Variants in SMYD4 observed in about 807,000 individuals in gnomAD.
The protein encoded by SMYD4 is SET and MYND domain containing 4.
In SMYD4, 68 loss-of-function variants were observed where a neutral mutation model predicts 72.8. The ratio of observed to expected loss-of-function variants is 0.93; its 90% confidence interval spans 0.77 to 1.14. The LOEUF is 1.14. SMYD4 is among the 50% of genes most tolerant of loss of function. The pLI is 0.00. For synonymous variants in SMYD4, 407 were observed against 388.6 expected (o/e 1.05, Z -0.56); for missense variants, 984 against 1,003.7 (o/e 0.98, Z 0.27).
chr17:1,809,197 A>G (rs1910193043), intron 3 of SMYD4, among the ~76,000 whole-genome samples: 1 of 151,782 alleles, frequency 6.6e-6, no homozygotes, highest in South Asian at 2.1e-4. Flanking sequence ...ATTTAAACTT[A>G]TTCTTTTAAT....
At position 1,783,474 on chromosome 17, in the gene SMYD4, G is replaced by A. The variant is rs139673522; in HGVS notation, c.2023C>T (p.Arg675Ter). 45 of 1,605,712 alleles carry A rather than the reference G, an allele frequency of 2.8e-5. No homozygotes were observed. Among genetic ancestry groups the A allele is most frequent in the Non-Finnish European group, 3.4e-5 (40 of 1,176,346 alleles). Residue 675 changes from arginine to a stop codon, truncating the protein, a stop_gained and splice_region_variant, in exon 9 of 11, where the codon CGA becomes TGA. Coordinates refer to ENST00000305513, the MANE Select transcript of SMYD4 (RefSeq NM_052928.3). LOFTEE classifies it high-confidence loss of function. ...CACCCCGACAGCCGCTGAACAGCTC[G>A]CTCTGTCAATGCAGAGGAAAGACGT... ...QKLLRDGELE[R>*]AVQRLSGCQR... is the part of the protein sequence containing the mutation.
chr17:1,791,205 C>A (rs1597371600), intron 5 of SMYD4, among the ~76,000 whole-genome samples: 1 of 149,562 alleles, frequency 6.7e-6, no homozygotes, highest in East Asian at 2.0e-4. Flanking sequence ...TGACAGGACA[C>A]AGAACCCCAA....
rs1283528622 is a variant in SMYD4, at chr17:1,800,313, C to T, written c.1081G>A (p.Glu361Lys). The T allele has an allele frequency of 6.2e-7, 1 of 1,614,110 alleles. No individual in the cohort carries two copies. The highest frequency in any genetic ancestry group is 1.7e-5 in the Admixed American group (1 of 59,996). ...ALRLTLLVGF[E>K]DVRKIITKLC... The stretch of plus-strand genomic sequence containing the variant: ...TTCGTTATGATTTTGCGAACATCCT[C>T]AAATCCCACCAAAAGAGTCAACCTC... The change falls in exon 5 of 11, where the codon GAG becomes AAG. Residue 361 changes from glutamate to lysine, a missense_variant. Glu to Lys is a moderately conservative substitution (Grantham distance 56, BLOSUM62 1). Transcript: ENST00000305513.
rs1365287342 is a variant in SMYD4 at position 1,804,634 on chromosome 17, G to C, written c.361C>G (p.Gln121Glu). ...NRSAALFHLGQYETCLKDINR... is the reference protein window; with the variant it reads ...NRSAALFHLGEYETCLKDINR... ...GGTATCCTGATACTCACCTCATACT[G>C]ACCCAGGTGGAAGAGGGCTGCCGAG... The change falls in exon 4 of 11, where the codon CAG becomes GAG. Residue 121 changes from glutamine to glutamate, a missense_variant. Physicochemically the swap from Gln to Glu is conservative, Grantham distance 29. Transcript: ENST00000305513. 1.2e-6 allele frequency: 2 copies of C among 1,613,314 alleles called. No homozygotes were observed. Among genetic ancestry groups the C allele is most frequent in the Admixed American group, 1.7e-5 (1 of 59,956 alleles).
intron 2 of SMYD4, among the ~76,000 whole-genome samples, chr17:1,823,478 T>C (rs1910996220): frequency 6.7e-6 from 1 of 149,950 alleles, no homozygotes; most frequent in Non-Finnish European, 1.5e-5. Flanking sequence ...ATACCCAAGA[T>C]ATTCTGGAAT....
intron 1 of SMYD4, among the ~76,000 whole-genome samples, chr17:1,828,720 C>G (rs1911344032): frequency 6.6e-6 from 1 of 151,754 alleles, no homozygotes; most frequent in African/African-American, 2.4e-5. Context: ...GCCTCAGCCT[C>G]CGAGTAGCTG....
Position 1,816,961 on chromosome 17 carries a change from C to A in SMYD4, c.135-4846G>T, listed in dbSNP as rs1034486749. 6.6e-5 allele frequency among the ~76,000 whole-genome samples: 10 copies of A among 150,886 alleles called. No homozygotes were observed. The East Asian group carries it at 1.9e-3, about 29-fold the overall frequency. Reference sequence around the variant, plus strand: ...CTTTATATATTTCGGATATTAATTTCTTATCTGATACATGATTTGCAAATA... The same window carrying A: ...CTTTATATATTTCGGATATTAATTTATTATCTGATACATGATTTGCAAATA... On this transcript the variant is annotated intron_variant, in intron 2 of 10. Transcript: ENST00000305513.
rs564165538 is a variant in SMYD4 at position 1,799,525 on chromosome 17, A to G, written c.1537+332T>C. ...GCTGGGACTACAGGCATGTACCACCATGCCCAGCTAATTTTTTTATTTTTA... is the reference window on the plus strand; with the variant it reads ...GCTGGGACTACAGGCATGTACCACCGTGCCCAGCTAATTTTTTTATTTTTA... On this transcript the variant is annotated intron_variant, in intron 5 of 10. Coordinates refer to ENST00000305513, the MANE Select transcript of SMYD4 (RefSeq NM_052928.3). Among the ~76,000 whole-genome samples the G allele has an allele frequency of 2.0e-5, 3 of 151,830 alleles. No individual in the cohort carries two copies. In the East Asian group the frequency reaches 5.9e-4, roughly 30 times the overall value.
intron 1 of SMYD4, among the ~76,000 whole-genome samples, chr17:1,828,599 C>CT (rs374636473): frequency 0.57 from 69,875 of 121,628 alleles, 20,243 homozygotes; most frequent in Non-Finnish European, 0.71. Flanking sequence ...CTTAGATCCT[C>CT]TTTTTTTTTT....
intron 5 of SMYD4, among the ~76,000 whole-genome samples, chr17:1,789,661 A>C (rs1908905540): frequency 6.7e-6 from 1 of 149,558 alleles, no homozygotes. Flanking sequence ...GCTACTCGGG[A>C]GGCTGAAGCA....
At chr17:1,810,847 G>A (rs569531737) in intron 3 of SMYD4, among the ~76,000 whole-genome samples, 2 of 152,346 alleles carry the variant, frequency 1.3e-5, no homozygotes, top group South Asian at 2.1e-4. Flanking sequence ...AGAAGGACAC[G>A]GACTTTGGCC....
chr17:1,805,688 T>C (rs551281705), intron 3 of SMYD4, among the ~76,000 whole-genome samples: 22 of 151,914 alleles, frequency 1.4e-4, no homozygotes, highest in African/African-American at 5.3e-4. Flanking sequence ...GGCGCACGCC[T>C]GTAATCCCAG....
rs1302069486 is a variant in SMYD4, at chr17:1,812,694, G to A, written c.135-579C>T. ...CTCCTGAATAGGTGGGATTACAGGC[G>A]CCCATCACCAGGCCCAGCTAATTTT... On this transcript the variant is annotated intron_variant, in intron 2 of 10. Transcript: ENST00000305513. 8.0e-5 allele frequency among the ~76,000 whole-genome samples: 12 copies of A among 150,176 alleles called. No individual in the cohort carries two copies. In the East Asian group the frequency reaches 2.2e-3, roughly 27 times the overall value.
chr17:1,788,616 G>A (rs1242795699), intron 5 of SMYD4, among the ~76,000 whole-genome samples: 2 of 148,566 alleles, frequency 1.3e-5, no homozygotes, highest in East Asian at 4.1e-4. Context: ...GTGGTGGTAC[G>A]TGCCTGTAGT....
At chr17:1,812,230 G>T in intron 2 of SMYD4, 115 bp from the exon 3 acceptor site, 1 of 1,158,698 alleles carries the variant, frequency 8.6e-7, no homozygotes, top group Non-Finnish European at 1.2e-6. Flanking sequence ...ACACACATGA[G>T]GATATGTACA....
At chr17:1,806,200 T>C (rs933094293) in intron 3 of SMYD4, among the ~76,000 whole-genome samples, 2 of 152,070 alleles carry the variant, frequency 1.3e-5, no homozygotes, top group African/African-American at 2.4e-5. Flanking sequence ...ATACATGAAA[T>C]TCTTTAATGT....
chr17:1,824,755 G>A (rs1041573559), intron 2 of SMYD4, among the ~76,000 whole-genome samples: 7 of 152,144 alleles, frequency 4.6e-5, no homozygotes, highest in South Asian at 2.1e-4. Flanking sequence ...GAGTAGGTGC[G>A]GTTACAGGCA....
At chr17:1,807,817 G>A (rs1330106647) in intron 3 of SMYD4, among the ~76,000 whole-genome samples, 18 of 152,190 alleles carry the variant, frequency 1.2e-4, no homozygotes, top group Admixed American at 1.2e-3. Flanking sequence ...CACGCCTGGA[G>A]TATGCTCTGG....
At chr17:1,802,977 C>T (rs1479440810) in intron 4 of SMYD4, among the ~76,000 whole-genome samples, 3 of 152,146 alleles carry the variant, frequency 2.0e-5, no homozygotes, top group Admixed American at 6.6e-5. Flanking sequence ...CATGGTGAAA[C>T]GCCATCTCTA....
Sources: allele counts gnomAD v4.1 joint callset (sites outside exome capture counted in the v4.1 genomes callset), GRCh38; gene constraint gnomAD v4.1.1; transcripts MANE v1.5; gene names NCBI Gene and HGNC (gene_info 2026-07-23, HGNC 2026-07-21).